The following ADAM23 variants were observed in gnomAD, a reference collection of about 807,000 sequenced individuals.
ADAM23 encodes the protein ADAM metallopeptidase domain 23.
A neutral mutation model predicts 120.1 loss-of-function variants in ADAM23; 33 were observed. That is an observed-to-expected ratio of 0.27 (90% CI 0.21 to 0.37). ADAM23 has a LOEUF of 0.37. ADAM23 is among the 10% of genes least tolerant of loss of function. The pLI, the probability that ADAM23 is intolerant of heterozygous loss-of-function variation, is 1.00. For missense variants in ADAM23, 862 were observed against 1,058.2 expected (o/e 0.81, Z 2.57); for synonymous variants, 367 against 375.2 (o/e 0.98, Z 0.25).
rs113719396 is a variant in ADAM23, at chr2:206,579,255, T to C, written c.1737+6060T>C. Among the ~76,000 whole-genome samples the C allele has an allele frequency of 2.4e-3, 369 of 152,344 alleles. 5 individuals are homozygous for C. Among genetic ancestry groups the C allele is most frequent in the African/African-American group, 8.4e-3 (348 of 41,586 alleles). On this transcript the variant is annotated intron_variant, in intron 18 of 25. Coordinates refer to ENST00000264377, the MANE Select transcript of ADAM23 (RefSeq NM_003812.4). ...AGTTTAATTAGGTCCCAACTATTTA[T>C]CTTTGTTTTTATTGCATTTCCTTTT... is the stretch of plus-strand genomic sequence containing the variant.
intron 9 of ADAM23, 69 bp from the exon 10 acceptor site, chr2:206,557,358 T>C: frequency 1.6e-6 from 2 of 1,260,490 alleles, no homozygotes; most frequent in Non-Finnish European, 2.3e-6. Context: ...ATATTTCTGC[T>C]TTTACAGCAT....
intron 22 of ADAM23, among the ~76,000 whole-genome samples, chr2:206,594,145 T>G (rs967794721): frequency 6.6e-6 from 1 of 151,926 alleles, no homozygotes; most frequent in Non-Finnish European, 1.5e-5. Context: ...CAAGTTTGTG[T>G]AAGCTCATTC....
chr2:206,609,846 T>C, intron 24 of ADAM23, 64 bp from the exon 25 acceptor site: 2 of 1,387,832 alleles, frequency 1.4e-6, no homozygotes, highest in Admixed American at 2.4e-5. Context: ...CTTAACTGCC[T>C]TTCCCTTGTG....
At chr2:206,587,227 G>T in intron 18 of ADAM23, 98 bp from the exon 19 acceptor site, 1 of 800,348 alleles carries the variant, frequency 1.2e-6, no homozygotes, top group Admixed American at 2.6e-5. Flanking sequence ...AATGTTTCTA[G>T]TTATATATAT....
At chr2:206,499,733 G>A (rs568126206) in intron 3 of ADAM23, among the ~76,000 whole-genome samples, 1 of 152,222 alleles carries the variant, frequency 6.6e-6, no homozygotes. Flanking sequence ...AATCACTAAT[G>A]TTCTCATGTC....
At chr2:206,597,648 T>C (rs1405079512) in intron 24 of ADAM23, among the ~76,000 whole-genome samples, 1 of 152,130 alleles carries the variant, frequency 6.6e-6, no homozygotes, top group African/African-American at 2.4e-5. Flanking sequence ...CTAGAACCAG[T>C]TTTTATATAC....
chr2:206,571,004 T>G (rs371342117), intron 16 of ADAM23, among the ~76,000 whole-genome samples, 193 bp downstream of exon 16: 2 of 152,354 alleles, frequency 1.3e-5, no homozygotes, highest in South Asian at 4.1e-4. Context: ...GCAAACCTAA[T>G]AGATTCTTCT....
chr2:206,510,447 T>C (rs558556872), intron 3 of ADAM23, among the ~76,000 whole-genome samples: 1 of 152,342 alleles, frequency 6.6e-6, no homozygotes, highest in South Asian at 2.1e-4. Flanking sequence ...TCACCTGTTA[T>C]AATGTTCTTT....
intron 3 of ADAM23, among the ~76,000 whole-genome samples, chr2:206,511,304 A>G (rs977292638): frequency 1.3e-5 from 2 of 152,032 alleles, no homozygotes; most frequent in Admixed American, 1.3e-4. Flanking sequence ...TTTTCTTATG[A>G]TGCATATCCT....
intron 2 of ADAM23, among the ~76,000 whole-genome samples, chr2:206,469,765 C>G (rs77731119): frequency 0.11 from 16,280 of 152,208 alleles, 959 homozygotes; most frequent in Middle Eastern, 0.15. Context: ...TTGACCCACA[C>G]TGGCCTTTTT....
chr2:206,499,941 A>C (rs1049384326), intron 3 of ADAM23, among the ~76,000 whole-genome samples: 2 of 152,154 alleles, frequency 1.3e-5, no homozygotes, highest in African/African-American at 4.8e-5. Flanking sequence ...GATTAAAGGA[A>C]TCAAACTGTT....
intron 18 of ADAM23, among the ~76,000 whole-genome samples, chr2:206,582,353 A>G (rs1698235416): frequency 6.6e-6 from 1 of 152,186 alleles, no homozygotes; most frequent in Non-Finnish European, 1.5e-5. Context: ...TGATATAAGA[A>G]TAGCTACTCC....
intron 4 of ADAM23, among the ~76,000 whole-genome samples, chr2:206,533,861 G>C (rs577179124): frequency 6.6e-6 from 1 of 152,278 alleles, no homozygotes; most frequent in South Asian, 2.1e-4. Flanking sequence ...TGAATGCTAG[G>C]TATCAGTCCA....
chr2:206,450,066 C>G (rs1695160842), intron 2 of ADAM23, among the ~76,000 whole-genome samples: 1 of 152,144 alleles, frequency 6.6e-6, no homozygotes, highest in African/African-American at 2.4e-5. Flanking sequence ...TTTCCAGAAA[C>G]CAGTTGTTCC....
At chr2:206,552,440 A>AT (rs761825263) in intron 9 of ADAM23, among the ~76,000 whole-genome samples, 1 of 152,134 alleles carries the variant, frequency 6.6e-6, no homozygotes, top group Non-Finnish European at 1.5e-5. Flanking sequence ...AAAACAGCAT[A>AT]TTTTTTGAAT....
chr2:206,606,025 C>T, intron 24 of ADAM23: 3 of 550,372 alleles, frequency 5.5e-6, no homozygotes, highest in Non-Finnish European at 9.6e-6. Context: ...TTGCTTGTGT[C>T]CTGTGGTTTT....
chr2:206,593,231 T>A (rs1023258206), intron 22 of ADAM23, among the ~76,000 whole-genome samples: 1 of 152,226 alleles, frequency 6.6e-6, no homozygotes, highest in Non-Finnish European at 1.5e-5. Context: ...TCCAGTTGTC[T>A]GTGAGTACAA....
Position 206,542,065 on chromosome 2 carries a change from GT to G in ADAM23, c.589del (p.Tyr197ThrfsTer34). ...CCTGCTTTCCAGGGTGGAGAGCACT[GT>G]TACTACCATGGAAGCATCAGAGGCG... ...KPQYSKGGEH[C>X]YYHGSIRGVK... On this transcript the variant is annotated frameshift_variant, in exon 5 of 26. Transcript: ENST00000264377. LOFTEE classifies it high-confidence loss of function. 1 of 1,614,150 alleles carries G rather than the reference GT, an allele frequency of 6.2e-7. No individual in the cohort carries two copies. Among genetic ancestry groups the G allele is most frequent in the Non-Finnish European group, 8.5e-7 (1 of 1,180,002 alleles).
Position 206,588,072 on chromosome 2 carries a change from T to C in ADAM23, c.1789-19T>C, listed in dbSNP as rs1053418325. The C allele has an allele frequency of 8.7e-6, 14 of 1,613,790 alleles. No homozygotes were observed. Among genetic ancestry groups the C allele is most frequent in the Non-Finnish European group, 1.0e-5 (12 of 1,179,830 alleles). ...ACAAACTGACTCTGTGTGCCTCACA[T>C]GTGTGCTCCTGTCCCCAGGGCCGCT... On this transcript the variant is annotated intron_variant, in intron 19 of 25. Transcript: ENST00000264377.
Sources: gnomAD v4.1 joint callset for allele counts (sites outside exome capture counted in the v4.1 genomes callset) on GRCh38, gnomAD v4.1.1 for gene constraint, MANE v1.5 for transcripts, NCBI Gene and HGNC (gene_info 2026-07-23, HGNC 2026-07-21) for gene names.